CALN1: variants seen among roughly 807,000 people sequenced by gnomAD.
The protein encoded by CALN1 is calneuron 1, also known as calcium-binding protein 8.
A neutral mutation model predicts 30.6 loss-of-function variants in CALN1; 17 were observed. The observed-to-expected ratio is 0.56, with a 90% CI of 0.38 to 0.83. The LOEUF (loss-of-function observed/expected upper bound fraction) is 0.83. CALN1 is among the 40% of genes least tolerant of loss of function. CALN1 has a pLI of 0.00. For synonymous variants in CALN1, 156 were observed against 131.4 expected, an observed-to-expected ratio of 1.19 and a Z score of -1.28; for missense variants, 291 against 354.9, an observed-to-expected ratio of 0.82 and a Z score of 1.45.
At chr7:72,273,250 T>C (rs1297476337) in intron 3 of CALN1, among the ~76,000 whole-genome samples, 5 of 152,036 alleles carry the variant, frequency 3.3e-5, no homozygotes, top group East Asian at 1.9e-4. Context: ...TCGACTACCC[T>C]GTCTCTACTA....
intron 4 of CALN1, among the ~76,000 whole-genome samples, chr7:72,029,862 G>T (rs913953284): frequency 3.9e-5 from 6 of 152,160 alleles, no homozygotes; most frequent in Non-Finnish European, 8.8e-5. Context: ...TGAGTTATGT[G>T]AACTGCTCTA....
intron 2 of CALN1, among the ~76,000 whole-genome samples, chr7:72,400,038 C>G (rs916067383): frequency 1.3e-5 from 2 of 152,186 alleles, no homozygotes; most frequent in Non-Finnish European, 2.9e-5. Flanking sequence ...GCAGATTAGG[C>G]CATCCCCTTC....
intron 5 of CALN1, among the ~76,000 whole-genome samples, chr7:71,823,882 A>G (rs747156302): frequency 2.0e-5 from 3 of 152,186 alleles, no homozygotes; most frequent in Non-Finnish European, 2.9e-5. Flanking sequence ...GGTGGCAGGT[A>G]AGAGAGAGAA....
intron 3 of CALN1, among the ~76,000 whole-genome samples, chr7:72,120,021 G>C (rs544789366): frequency 5.7e-4 from 87 of 152,238 alleles, no homozygotes; most frequent in African/African-American, 1.9e-3. Flanking sequence ...TATATTGTGT[G>C]ATGCTGAGGC....
intron 3 of CALN1, among the ~76,000 whole-genome samples, chr7:72,174,248 A>T (rs1562689516): frequency 6.6e-6 from 1 of 152,148 alleles, no homozygotes; most frequent in Non-Finnish European, 1.5e-5. Context: ...ATTGGCAAGG[A>T]TGTAGAGCAA....
intron 5 of CALN1, among the ~76,000 whole-genome samples, chr7:71,896,041 C>T (rs1178220786): frequency 6.6e-6 from 1 of 152,156 alleles, no homozygotes; most frequent in African/African-American, 2.4e-5. Context: ...GAGTGGGCTG[C>T]CCTGTATAGT....
chr7:72,270,541 G>A (rs1231789910), intron 3 of CALN1, among the ~76,000 whole-genome samples: 1 of 152,180 alleles, frequency 6.6e-6, no homozygotes, highest in Admixed American at 6.5e-5. Context: ...GGAGACTGAG[G>A]TGGGAGGATT....
intron 2 of CALN1, among the ~76,000 whole-genome samples, chr7:72,292,437 G>T (rs1027656283): frequency 9.3e-5 from 14 of 150,240 alleles, no homozygotes; most frequent in Non-Finnish European, 1.5e-4. Context: ...TTAGCAGATA[G>T]GGCCTTTGAG....
At chr7:71,902,740 T>A (rs1793926117) in intron 5 of CALN1, among the ~76,000 whole-genome samples, 1 of 152,200 alleles carries the variant, frequency 6.6e-6, no homozygotes, top group Non-Finnish European at 1.5e-5. Context: ...GATGTGCAAT[T>A]CATAAAGAAG....
intron 5 of CALN1, among the ~76,000 whole-genome samples, chr7:71,887,922 G>C (rs984756238): frequency 2.6e-5 from 4 of 152,012 alleles, no homozygotes; most frequent in Non-Finnish European, 4.4e-5. Context: ...TGGGTGTTGC[G>C]GGCTTGGAGG....
chr7:72,065,088 ATTAATATATGTAAAATATATTTATG>A (rs1172873526), intron 4 of CALN1, among the ~76,000 whole-genome samples: 18 of 148,228 alleles, frequency 1.2e-4, no homozygotes, highest in Middle Eastern at 3.3e-3. Flanking sequence ...ATATGTTAAT[ATTAATATATGTAAAATATATTTATG>A]TTAATATATG....
intron 4 of CALN1, among the ~76,000 whole-genome samples, chr7:72,052,120 AG>A (rs1802873272): frequency 6.6e-6 from 1 of 152,200 alleles, no homozygotes; most frequent in Non-Finnish European, 1.5e-5. Flanking sequence ...TTGTCTATCT[AG>A]AAAAAAAGAA....
intron 5 of CALN1, among the ~76,000 whole-genome samples, chr7:71,986,161 C>A (rs558715640): frequency 6.6e-6 from 1 of 152,080 alleles, no homozygotes; most frequent in Non-Finnish European, 1.5e-5. Flanking sequence ...AATTCTCCTG[C>A]GTCAGCCTCC....
chr7:72,293,134 A>T (rs1190006896), intron 2 of CALN1, among the ~76,000 whole-genome samples: 1 of 152,182 alleles, frequency 6.6e-6, no homozygotes, highest in African/African-American at 2.4e-5. Context: ...TGTATCAGGC[A>T]GTTCAACAAG....
chr7:72,346,189 G>T (rs1319691994), intron 2 of CALN1, among the ~76,000 whole-genome samples: 3 of 152,006 alleles, frequency 2.0e-5, no homozygotes, highest in Non-Finnish European at 2.9e-5. Flanking sequence ...ATGGTAATTT[G>T]TTATGCAGAA....
intron 4 of CALN1, among the ~76,000 whole-genome samples, chr7:72,057,462 T>C (rs1001639552): frequency 1.3e-5 from 2 of 149,030 alleles, no homozygotes; most frequent in African/African-American, 4.9e-5. Flanking sequence ...AATTTGGTCA[T>C]AGATTTCTGC....
intron 3 of CALN1, among the ~76,000 whole-genome samples, chr7:72,274,247 A>G (rs1797195205): frequency 6.6e-6 from 1 of 152,152 alleles, no homozygotes; most frequent in South Asian, 2.1e-4. Context: ...GGGTCTCACG[A>G]CTGTAATTCC....
intron 4 of CALN1, among the ~76,000 whole-genome samples, chr7:72,084,016 C>G (rs754586954): frequency 4.0e-4 from 61 of 151,950 alleles, no homozygotes; most frequent in Non-Finnish European, 7.1e-4. Flanking sequence ...CAAGACCAGC[C>G]TGGCTAACAT....
intron 5 of CALN1, among the ~76,000 whole-genome samples, chr7:71,931,343 G>A (rs1207230985): frequency 6.6e-6 from 1 of 151,960 alleles, no homozygotes; most frequent in African/African-American, 2.4e-5. Flanking sequence ...TCGGCTCACT[G>A]CAACCTCCGT....
Sources: gnomAD v4.1 joint callset for allele counts (sites outside exome capture counted in the v4.1 genomes callset) on GRCh38, gnomAD v4.1.1 for gene constraint, MANE v1.5 for transcripts, NCBI Gene and HGNC (gene_info 2026-07-23, HGNC 2026-07-21) for gene names.